The following PITPNC1 variants were observed in gnomAD, a reference collection of about 807,000 sequenced individuals.
The protein encoded by PITPNC1 is phosphatidylinositol transfer protein cytoplasmic 1.
Under a neutral mutation model 44.7 loss-of-function variants are expected in PITPNC1, and 18 were observed. That is an observed-to-expected ratio of 0.40 (90% CI 0.28 to 0.60). PITPNC1 has a LOEUF of 0.60. Ranked by LOEUF, PITPNC1 falls within the 20% of genes least tolerant of loss-of-function variation. PITPNC1 has a pLI of 0.39. For missense variants in PITPNC1, 290 were observed against 418.4 expected, an observed-to-expected ratio of 0.69 and a Z score of 2.68; for synonymous variants, 141 against 149.6, an observed-to-expected ratio of 0.94 and a Z score of 0.42.
At chr17:67,507,094 C>T (rs1028520240) in intron 1 of PITPNC1, among the ~76,000 whole-genome samples, 11 of 152,134 alleles carry the variant, frequency 7.2e-5, no homozygotes, top group African/African-American at 1.2e-4. Context: ...CCCACTTCAA[C>T]GAGTCACTGT....
chr17:67,424,008 C>G (rs949824704), intron 1 of PITPNC1, among the ~76,000 whole-genome samples: 1 of 145,648 alleles, frequency 6.9e-6, no homozygotes, highest in African/African-American at 2.5e-5. Flanking sequence ...TTACATTTTA[C>G]AACTCTTCAT....
chr17:67,623,586 G>GGAAC (rs2041860498), intron 5 of PITPNC1, among the ~76,000 whole-genome samples: 1 of 152,148 alleles, frequency 6.6e-6, no homozygotes, highest in East Asian at 1.9e-4. Context: ...GTTTCATCAT[G>GGAAC]TTGACCAGGC....
Position 67,693,137 on chromosome 17 carries a change from G to A in PITPNC1, c.*249G>A. The A allele has an allele frequency of 2.4e-6, 1 of 411,266 alleles. No individual in the cohort carries two copies. 25.5% of individuals were successfully genotyped at this position (411,266 alleles called of 1,614,324 possible). ...ATCTTCTGTAACCACATAGCTGTAT[G>A]CCAGAGAGGAAGCCTTGTTATTGGG... On this transcript the variant is annotated 3_prime_UTR_variant, in exon 9 of 9. Transcript: ENST00000581322.
At chr17:67,621,662 A>C (rs2144313637) in intron 5 of PITPNC1, among the ~76,000 whole-genome samples, 2 of 152,350 alleles carry the variant, frequency 1.3e-5, no homozygotes, top group East Asian at 3.9e-4. Context: ...TTGAACACAC[A>C]GTAGGTGCTT....
chr17:67,674,747 C>T (rs890307264), intron 7 of PITPNC1, among the ~76,000 whole-genome samples: 1 of 152,064 alleles, frequency 6.6e-6, no homozygotes, highest in African/African-American at 2.4e-5. Flanking sequence ...GGTGCGGTGG[C>T]TCACATCTGT....
chr17:67,392,441 G>A (rs1205890838), intron 1 of PITPNC1, among the ~76,000 whole-genome samples: 1 of 151,950 alleles, frequency 6.6e-6, no homozygotes, highest in Non-Finnish European at 1.5e-5. Flanking sequence ...CCGGGGTCTC[G>A]CCATGTTGCC....
intron 1 of PITPNC1, among the ~76,000 whole-genome samples, chr17:67,448,765 A>C (rs2039135752): frequency 6.6e-6 from 1 of 152,004 alleles, no homozygotes; most frequent in African/African-American, 2.4e-5. Context: ...AGGCAGGTAC[A>C]TCAATCTTTC....
intron 5 of PITPNC1, among the ~76,000 whole-genome samples, chr17:67,630,548 G>A (rs1276110465): frequency 1.3e-5 from 2 of 152,114 alleles, no homozygotes; most frequent in Non-Finnish European, 2.9e-5. Context: ...GAACCCAGGA[G>A]GCGGAGATTG....
intron 1 of PITPNC1, among the ~76,000 whole-genome samples, chr17:67,418,894 A>T (rs749377954): frequency 4.6e-5 from 7 of 152,078 alleles, no homozygotes; most frequent in Non-Finnish European, 1.0e-4. Flanking sequence ...ATTTTGCTTA[A>T]TAGAATCATG....
intron 1 of PITPNC1, among the ~76,000 whole-genome samples, chr17:67,526,840 C>G (rs892531321): frequency 2.0e-5 from 3 of 152,164 alleles, no homozygotes; most frequent in African/African-American, 7.2e-5. Flanking sequence ...GCAACTCTGC[C>G]TTGCCTCCAA....
At chr17:67,447,628 A>G (rs1427581504) in intron 1 of PITPNC1, among the ~76,000 whole-genome samples, 11 of 151,800 alleles carry the variant, frequency 7.2e-5, no homozygotes, top group African/African-American at 4.8e-5. Context: ...CAGACTCCCA[A>G]AGTGCTGGGA....
chr17:67,483,744 TG>T (rs1024060313), intron 1 of PITPNC1, among the ~76,000 whole-genome samples: 3 of 152,134 alleles, frequency 2.0e-5, no homozygotes, highest in African/African-American at 4.8e-5. Context: ...CTTCAAGCCC[TG>T]GGGGGACTTG....
At chr17:67,538,259 T>C (rs566269461) in intron 2 of PITPNC1, among the ~76,000 whole-genome samples, 8 of 152,104 alleles carry the variant, frequency 5.3e-5, no homozygotes, top group Non-Finnish European at 1.2e-4. Flanking sequence ...ATGACTGGGC[T>C]TCTAATTGGA....
chr17:67,458,692 C>T (rs773049707), intron 1 of PITPNC1, among the ~76,000 whole-genome samples: 23 of 152,188 alleles, frequency 1.5e-4, no homozygotes, highest in Middle Eastern at 3.4e-3. Context: ...GTTGTATTTG[C>T]TGTTTTCTGC....
chr17:67,468,263 G>A (rs1456650829), intron 1 of PITPNC1, among the ~76,000 whole-genome samples: 1 of 152,120 alleles, frequency 6.6e-6, no homozygotes, highest in Non-Finnish European at 1.5e-5. Context: ...TGAGTTTCAG[G>A]CTCAATTAAG....
At chr17:67,635,250 C>T (rs937735832) in intron 6 of PITPNC1, among the ~76,000 whole-genome samples, 7 of 152,060 alleles carry the variant, frequency 4.6e-5, no homozygotes, top group Non-Finnish European at 7.3e-5. Flanking sequence ...TCGTGGCTTG[C>T]GCTAGAGGGC....
chr17:67,653,464 G>C (rs1405021420), intron 6 of PITPNC1, among the ~76,000 whole-genome samples: 1 of 152,164 alleles, frequency 6.6e-6, no homozygotes, highest in Non-Finnish European at 1.5e-5. Flanking sequence ...ATGACACCTC[G>C]ATTTGGGGCT....
intron 2 of PITPNC1, among the ~76,000 whole-genome samples, chr17:67,549,570 G>A (rs2040730477): frequency 1.3e-5 from 2 of 152,130 alleles, no homozygotes; most frequent in African/African-American, 2.4e-5. Flanking sequence ...GTCTCGACTT[G>A]GATGGAAAAT....
At chr17:67,620,281 T>G (rs1375260951) in intron 5 of PITPNC1, among the ~76,000 whole-genome samples, 1 of 152,148 alleles carries the variant, frequency 6.6e-6, no homozygotes. Context: ...CTCGAACTGC[T>G]GCACGTAAGC....
Sources: allele counts gnomAD v4.1 joint callset (sites outside exome capture counted in the v4.1 genomes callset), GRCh38; gene constraint gnomAD v4.1.1; transcripts MANE v1.5; gene names NCBI Gene and HGNC (gene_info 2026-07-23, HGNC 2026-07-21).